Variants in CHCHD6 observed in about 807,000 individuals in gnomAD.
CHCHD6 encodes the protein MICOS complex subunit MIC25.
A neutral mutation model predicts 32.3 loss-of-function variants in CHCHD6; 28 were observed. The ratio of observed to expected loss-of-function variants is 0.87; its 90% CI spans 0.64 to 1.19. CHCHD6 has a LOEUF of 1.19. Among genes scored for constraint, CHCHD6 ranks in the 50% most tolerant of loss-of-function variants. The pLI, the probability that CHCHD6 is intolerant of heterozygous loss-of-function variation, is 0.00. For synonymous variants in CHCHD6, 122 were observed against 117.5 expected, an observed-to-expected ratio of 1.04 and a Z score of -0.25; for missense variants, 333 against 307.0, an observed-to-expected ratio of 1.08 and a Z score of -0.63.
At chr3:126,818,019 T>G (rs1364203165) in intron 4 of CHCHD6, among the ~76,000 whole-genome samples, 1 of 152,180 alleles carries the variant, frequency 6.6e-6, no homozygotes, top group African/African-American at 2.4e-5. Context: ...AGAGCCTCTT[T>G]CCACACAGAG....
intron 4 of CHCHD6, among the ~76,000 whole-genome samples, chr3:126,735,884 G>A (rs905274436): frequency 6.6e-6 from 1 of 152,188 alleles, no homozygotes; most frequent in African/African-American, 2.4e-5. Context: ...TATTGGAAAG[G>A]CATCTCCTAT....
intron 4 of CHCHD6, chr3:126,780,451 CT>C (rs1937880183): frequency 3.0e-6 from 1 of 332,942 alleles, no homozygotes; most frequent in Admixed American, 4.2e-5. Context: ...TTATTGATTT[CT>C]TCTGTGTTCG....
chr3:126,718,078 AT>A (rs1438104023), intron 1 of CHCHD6, among the ~76,000 whole-genome samples: 1 of 152,108 alleles, frequency 6.6e-6, no homozygotes, highest in Non-Finnish European at 1.5e-5. Context: ...GAGCCACAGG[AT>A]GTCAGAGCTG....
At chr3:126,943,205 C>A (rs1204666746) in intron 6 of CHCHD6, among the ~76,000 whole-genome samples, 1 of 152,174 alleles carries the variant, frequency 6.6e-6, no homozygotes, top group Non-Finnish European at 1.5e-5. Context: ...CTAATGACGC[C>A]CCCCACTACC....
chr3:126,847,280 A>G (rs1941326048), intron 4 of CHCHD6, among the ~76,000 whole-genome samples: 1 of 152,136 alleles, frequency 6.6e-6, no homozygotes. Context: ...AAGCTCACTC[A>G]TGTGACTGTG....
At chr3:126,707,944 C>T (rs560068186) in intron 1 of CHCHD6, among the ~76,000 whole-genome samples, 2 of 152,324 alleles carry the variant, frequency 1.3e-5, no homozygotes, top group South Asian at 2.1e-4. Context: ...GGGACAAAGC[C>T]GAGGACCCTG....
intron 4 of CHCHD6, among the ~76,000 whole-genome samples, chr3:126,834,053 CAAAAAAAA>C (rs55790919): frequency 6.7e-5 from 3 of 44,460 alleles, no homozygotes; most frequent in Non-Finnish European, 9.5e-5. Context: ...GACTCCGTCT[CAAAAAAAA>C]AAAAAAAAAA....
intron 6 of CHCHD6, among the ~76,000 whole-genome samples, chr3:126,953,458 C>A (rs555228345): frequency 3.9e-5 from 6 of 152,302 alleles, no homozygotes; most frequent in African/African-American, 1.4e-4. Context: ...ATATCCTCAG[C>A]TCTTCTCTGC....
At chr3:126,785,369 T>G (rs1019065310) in intron 4 of CHCHD6, among the ~76,000 whole-genome samples, 9 of 152,238 alleles carry the variant, frequency 5.9e-5, no homozygotes, top group Non-Finnish European at 1.3e-4. Flanking sequence ...GTTAGTTTTC[T>G]ATTACTGCTG....
At position 126,758,715 on chromosome 3, in the gene CHCHD6, A is replaced by G. The variant is rs559402080; in HGVS notation, c.411+25493A>G. ...AGGAGATGTGTGCAGTCTTTGAACT[A>G]TAGGAGGAGGACGAATGGAGCCAGT... On this transcript the variant is annotated intron_variant, in intron 4 of 7. Transcript: ENST00000290913. Among the ~76,000 whole-genome samples, 6 of 152,298 alleles carry G rather than the reference A, an allele frequency of 3.9e-5. 1 individual carries two copies. Among genetic ancestry groups the G allele is most frequent in the African/African-American group, 1.4e-4 (6 of 41,558 alleles).
At chr3:126,863,288 T>C (rs1477741617) in intron 5 of CHCHD6, among the ~76,000 whole-genome samples, 7 of 73,854 alleles carry the variant, frequency 9.5e-5, no homozygotes, top group South Asian at 5.1e-4. Context: ...TCCACCATCA[T>C]CACCACCTCC....
Position 126,781,722 on chromosome 3 carries a change from G to A in CHCHD6, c.411+48500G>A, listed in dbSNP as rs1428408524. Among the ~76,000 whole-genome samples the A allele has an allele frequency of 9.2e-5, 14 of 152,298 alleles. No individual in the cohort carries two copies. The South Asian group carries it at 2.9e-3, about 32-fold the overall frequency. On this transcript the variant is annotated intron_variant, in intron 4 of 7. Coordinates refer to ENST00000290913, the MANE Select transcript of CHCHD6 (RefSeq NM_032343.3). ...ATGCTGAGAGGCCTGCATTATCCCG[G>A]TACCCAGCCCATTTCATCCATCTGC...
intron 4 of CHCHD6, among the ~76,000 whole-genome samples, chr3:126,738,199 C>G (rs1357895172): frequency 1.3e-5 from 2 of 152,312 alleles, no homozygotes; most frequent in Middle Eastern, 3.4e-3. Flanking sequence ...GAACTGGATA[C>G]AGTTGGCCCT....
intron 1 of CHCHD6, among the ~76,000 whole-genome samples, chr3:126,721,815 A>G (rs560613753): frequency 1.4e-5 from 2 of 147,096 alleles, no homozygotes; most frequent in East Asian, 4.1e-4. Flanking sequence ...TTTTGTGTCT[A>G]GAGATTTGCC....
intron 1 of CHCHD6, among the ~76,000 whole-genome samples, chr3:126,715,566 A>G (rs1428761016): frequency 6.6e-6 from 1 of 152,024 alleles, no homozygotes; most frequent in African/African-American, 2.4e-5. Flanking sequence ...ATCTTTCTAG[A>G]GAGGTAGCCT....
chr3:126,900,554 A>G (rs2077908488), intron 5 of CHCHD6, among the ~76,000 whole-genome samples: 1 of 151,010 alleles, frequency 6.6e-6, no homozygotes, highest in African/African-American at 2.4e-5. Context: ...GGTGTCTCAC[A>G]TGGCTGGAGC....
chr3:126,915,042 G>A (rs2078149381), intron 6 of CHCHD6, among the ~76,000 whole-genome samples: 1 of 152,238 alleles, frequency 6.6e-6, no homozygotes. Context: ...TCCTTTCCTT[G>A]TGTGGCTAGC....
chr3:126,753,210 C>T (rs1484487168), intron 4 of CHCHD6, among the ~76,000 whole-genome samples: 1 of 152,144 alleles, frequency 6.6e-6, no homozygotes, highest in South Asian at 2.1e-4. Flanking sequence ...AGGGAAGGCA[C>T]ATGGAGCAAA....
At chr3:126,863,320 ACCTCCTCCT>A (rs377399364) in intron 5 of CHCHD6, among the ~76,000 whole-genome samples, 15 of 67,464 alleles carry the variant, frequency 2.2e-4, no homozygotes, top group African/African-American at 9.2e-4. Flanking sequence ...CTCCATCACC[ACCTCCTCCT>A]CCTCCTCCAT....
Sources: allele counts gnomAD v4.1 joint callset (sites outside exome capture counted in the v4.1 genomes callset), GRCh38; gene constraint gnomAD v4.1.1; transcripts MANE v1.5; gene names NCBI Gene and HGNC (gene_info 2026-07-23, HGNC 2026-07-21).